LHCGR: variants seen among roughly 807,000 people sequenced by gnomAD.
The protein encoded by LHCGR is lutropin-choriogonadotropic hormone receptor.
Under a neutral mutation model 60.7 loss-of-function variants are expected in LHCGR, and 55 were observed. That is an observed-to-expected ratio of 0.91 (90% CI 0.73 to 1.13). The LOEUF (loss-of-function observed/expected upper bound fraction) is 1.13. Among genes scored for constraint, LHCGR ranks in the 50% most tolerant of loss-of-function variants. LHCGR has a pLI of 0.00. For missense variants in LHCGR, 862 were observed against 836.0 expected, an observed-to-expected ratio of 1.03 and a Z score of -0.38; for synonymous variants, 337 against 316.5, an observed-to-expected ratio of 1.06 and a Z score of -0.69.
intron 1 of LHCGR, among the ~76,000 whole-genome samples, chr2:48,743,310 A>T (rs1387185853): frequency 6.6e-6 from 1 of 152,118 alleles, no homozygotes; most frequent in African/African-American, 2.4e-5. Flanking sequence ...TCCAATCAAT[A>T]GAAAAAGAGG....
chr2:48,749,647 T>C (rs1053200415), intron 1 of LHCGR, among the ~76,000 whole-genome samples: 1 of 150,954 alleles, frequency 6.6e-6, no homozygotes, highest in African/African-American at 2.4e-5. Context: ...CTGAGGGGCT[T>C]AGGAAGAAGA....
intron 1 of LHCGR, among the ~76,000 whole-genome samples, chr2:48,745,998 G>C (rs1481805520): frequency 6.6e-6 from 1 of 152,080 alleles, no homozygotes; most frequent in Non-Finnish European, 1.5e-5. Flanking sequence ...GCACACTCTG[G>C]AGCCAGCCTG....
intron 1 of LHCGR, among the ~76,000 whole-genome samples, chr2:48,750,202 A>C (rs988274129): frequency 6.6e-6 from 1 of 152,104 alleles, no homozygotes; most frequent in African/African-American, 2.4e-5. Flanking sequence ...AGAGTGTGGT[A>C]GTCTTCTTTC....
Position 48,755,502 on chromosome 2 carries a change from T to C in LHCGR, c.161+9A>G, listed in dbSNP as rs573699597. 760 of 1,526,192 alleles carry C rather than the reference T, an allele frequency of 5.0e-4. 1 individual carries two copies. The highest frequency in any genetic ancestry group is 6.5e-4 in the Non-Finnish European group (731 of 1,129,848). The allele number at this position is 1,526,192 out of a possible 1,614,324, so 94.5% of individuals were successfully genotyped here. A position where few individuals can be genotyped will look rare whatever the true frequency, so the allele number is the denominator to read the frequency against. ...CAAGGGCGCCGCGACGGGAGCGCTGTGTACTCACAGTCGAGTGAGACCGGC... is the reference window on the plus strand; with the variant it reads ...CAAGGGCGCCGCGACGGGAGCGCTGCGTACTCACAGTCGAGTGAGACCGGC... On this transcript the variant is annotated intron_variant, in intron 1 of 10. Transcript: ENST00000294954.
chr2:48,736,275 T>C (rs1390701725), intron 1 of LHCGR, among the ~76,000 whole-genome samples: 1 of 152,118 alleles, frequency 6.6e-6, no homozygotes, highest in Non-Finnish European at 1.5e-5. Context: ...GGACAATGTA[T>C]AGAATAAAGG....
intron 1 of LHCGR, among the ~76,000 whole-genome samples, chr2:48,734,737 C>G (rs1669144305): frequency 6.6e-6 from 1 of 152,206 alleles, no homozygotes; most frequent in Admixed American, 6.5e-5. Context: ...AAGGCAAGGA[C>G]AGTTCAGCAG....
At chr2:48,706,699 A>T (rs764908957) in intron 8 of LHCGR, among the ~76,000 whole-genome samples, 4 of 152,064 alleles carry the variant, frequency 2.6e-5, no homozygotes, top group Non-Finnish European at 4.4e-5. Context: ...AAGCTTGTGT[A>T]TGCTTCACGA....
At chr2:48,743,309 T>C (rs368013540) in intron 1 of LHCGR, among the ~76,000 whole-genome samples, 4 of 151,884 alleles carry the variant, frequency 2.6e-5, no homozygotes, top group East Asian at 3.9e-4. Flanking sequence ...TTCCAATCAA[T>C]AGAAAAAGAG....
intron 8 of LHCGR, among the ~76,000 whole-genome samples, chr2:48,707,597 A>C (rs1667755209): frequency 6.6e-6 from 1 of 152,246 alleles, no homozygotes; most frequent in Non-Finnish European, 1.5e-5. Flanking sequence ...CTGCCCACAG[A>C]GGTGGAATTT....
At chr2:48,745,354 C>T (rs1669649961) in intron 1 of LHCGR, among the ~76,000 whole-genome samples, 1 of 152,020 alleles carries the variant, frequency 6.6e-6, no homozygotes, top group Non-Finnish European at 1.5e-5. Context: ...GGGTATATAC[C>T]CAAAGGACTA....
chr2:48,753,000 G>GGGA, intron 1 of LHCGR, among the ~76,000 whole-genome samples: 1 of 110,522 alleles, frequency 9.0e-6, no homozygotes, highest in Non-Finnish European at 1.8e-5. Context: ...GGGGGGGTGG[G>GGGA]GAAGGGAAGT....
In LHCGR at chr2:48,687,944, G is replaced by A; in HGVS notation, c.1853C>T (p.Ala618Val). 6.2e-7 allele frequency: 1 copy of A among 1,614,100 alleles called. No individual in the cohort carries two copies. The highest frequency in any genetic ancestry group is 8.5e-7 in the Non-Finnish European group (1 of 1,179,970). ...GAATATTGCATACAGAAATGGATTG[G>A]CACAAGAATTGATGGGATAAAAAAG... Reference protein sequence around the residue: ...LVLFYPINSCANPFLYAIFTK... With the variant: ...LVLFYPINSCVNPFLYAIFTK... Residue 618 changes from alanine to valine, a missense_variant, in exon 11 of 11, where the codon GCC becomes GTC. Coordinates refer to ENST00000294954, the MANE Select transcript of LHCGR (RefSeq NM_000233.4).
rs1463882026 is a variant in LHCGR, at chr2:48,688,595, A to G, written c.1202T>C (p.Leu401Pro). Residue 401 changes from leucine (L) to proline (P), a missense_variant, in exon 11 of 11, where the codon CTC (leucine) becomes CCC (proline). Coordinates refer to ENST00000294954, the MANE Select transcript of LHCGR (RefSeq NM_000233.4). The surrounding 1 kb of genome is among the most constrained non-coding windows in gnomAD (Gnocchi z 5.2). ...CCCCATGCAAAAGTCTGCAAAGGAG[A>G]GATTGCACATGAGAAAACGAGGCAC... Reference protein sequence around the residue: ...LTVPRFLMCNLSFADFCMGLY... With the variant: ...LTVPRFLMCNPSFADFCMGLY... 17 of 1,614,054 alleles carry G rather than the reference A, an allele frequency of 1.1e-5. No homozygotes were observed. The highest frequency in any genetic ancestry group is 1.4e-5 in the Non-Finnish European group (16 of 1,180,042).
At chr2:48,698,950 T>G (rs1667265558) in intron 8 of LHCGR, 150 bp from the exon 9 acceptor site, 12 of 614,430 alleles carry the variant, frequency 2.0e-5, no homozygotes, top group Non-Finnish European at 5.5e-6. Flanking sequence ...CACGCCATTC[T>G]CCTGCCTCAG....
chr2:48,694,368 C>T (rs1356786115), intron 9 of LHCGR, 64 bp from the exon 10 acceptor site: 21 of 959,920 alleles, frequency 2.2e-5, no homozygotes, highest in Middle Eastern at 4.1e-4. Context: ...CCTGACTGTG[C>T]GTCTATTTAT....
At chr2:48,754,097 G>T (rs1670100866) in intron 1 of LHCGR, among the ~76,000 whole-genome samples, 1 of 152,144 alleles carries the variant, frequency 6.6e-6, no homozygotes, top group Non-Finnish European at 1.5e-5. Flanking sequence ...GCATGGATTT[G>T]TGGATTGATT....
chr2:48,754,021 C>T (rs148017364), intron 1 of LHCGR, among the ~76,000 whole-genome samples: 10 of 152,214 alleles, frequency 6.6e-5, no homozygotes, highest in African/African-American at 2.4e-4. Context: ...GTAGTACAGT[C>T]ATTCTTAAGA....
intron 1 of LHCGR, among the ~76,000 whole-genome samples, chr2:48,738,464 T>C (rs6732721): frequency 0.2 from 29,759 of 152,072 alleles, 5,005 homozygotes; most frequent in African/African-American, 0.44. Context: ...CCCTGACCAA[T>C]CTAGATTACT....
intron 1 of LHCGR, among the ~76,000 whole-genome samples, chr2:48,740,386 G>A (rs1333626138): frequency 1.3e-5 from 2 of 152,242 alleles, no homozygotes; most frequent in African/African-American, 4.8e-5. Context: ...ACCTCTGGGG[G>A]CAGGGCACAG....
Sources: allele counts gnomAD v4.1 joint callset (sites outside exome capture counted in the v4.1 genomes callset), GRCh38; gene constraint gnomAD v4.1.1; non-coding constraint Gnocchi (gnomAD v3.1); transcripts MANE v1.5; gene names NCBI Gene and HGNC (gene_info 2026-07-23, HGNC 2026-07-21).